Variants in CTNNA3 observed in about 807,000 individuals in gnomAD.
CTNNA3 encodes catenin alpha-3.
CTNNA3 carries 76 observed loss-of-function variants against 95.7 expected under a neutral mutation model. That is an observed-to-expected ratio of 0.79 (90% CI 0.66 to 0.96). The LOEUF is 0.96. Among genes scored for constraint, CTNNA3 ranks in the 40% least tolerant of loss-of-function variants. The pLI, the probability that CTNNA3 is intolerant of heterozygous loss-of-function variation, is 0.00. For synonymous variants in CTNNA3, 431 were observed against 374.4 expected (o/e 1.15, Z -1.74); for missense variants, 1,191 against 1,089.8 (o/e 1.09, Z -1.31).
intron 7 of CTNNA3, among the ~76,000 whole-genome samples, chr10:66,943,189 A>T (rs1185263294): frequency 6.6e-6 from 1 of 152,240 alleles, no homozygotes; most frequent in Non-Finnish European, 1.5e-5. Context: ...CTTTGAAAAG[A>T]GCAGAGACGA....
At chr10:66,635,818 C>T (rs1845313143) in intron 9 of CTNNA3, among the ~76,000 whole-genome samples, 1 of 152,092 alleles carries the variant, frequency 6.6e-6, no homozygotes, top group Admixed American at 6.5e-5. Context: ...TCTTCGAAGA[C>T]ATCATAACAA....
At chr10:67,539,308 T>C (rs1840585983) in intron 4 of CTNNA3, among the ~76,000 whole-genome samples, 195 bp downstream of exon 4, 2 of 152,200 alleles carry the variant, frequency 1.3e-5, no homozygotes, top group Admixed American at 6.5e-5. Flanking sequence ...TAATTTCCCA[T>C]TGGCTTTAGA....
At chr10:67,754,170 T>C (rs1292224441) in intron 1 of CTNNA3, among the ~76,000 whole-genome samples, 1 of 152,016 alleles carries the variant, frequency 6.6e-6, no homozygotes, top group African/African-American at 2.4e-5. Flanking sequence ...TGCAGGGAGA[T>C]GGATGGAGCT....
chr10:67,002,075 C>T (rs575878030), intron 7 of CTNNA3, among the ~76,000 whole-genome samples: 2 of 152,234 alleles, frequency 1.3e-5, no homozygotes, highest in East Asian at 3.9e-4. Flanking sequence ...CTTTTAGGAG[C>T]TCAGTTTCTT....
chr10:66,766,558 G>C (rs534681251), intron 8 of CTNNA3, 142 bp from the exon 9 acceptor site: 2 of 652,172 alleles, frequency 3.1e-6, no homozygotes, highest in South Asian at 6.9e-5. Context: ...AGATATACAA[G>C]AATGTCCCTT....
chr10:67,263,248 GT>G (rs1043721289), intron 5 of CTNNA3, among the ~76,000 whole-genome samples: 2 of 152,144 alleles, frequency 1.3e-5, no homozygotes, highest in Non-Finnish European at 2.9e-5. Context: ...CAACACTCCA[GT>G]TTATAACCTG....
rs924798643 is a variant in CTNNA3 at position 66,836,031 on chromosome 10, T to C, written c.1048-60507A>G. Among the ~76,000 whole-genome samples the C allele has an allele frequency of 5.3e-5, 8 of 152,080 alleles. 1 individual carries two copies. The highest frequency in any genetic ancestry group is 5.2e-4 in the Admixed American group (8 of 15,266). Reference sequence around the variant, plus strand: ...ATTAATTTTTTAGGTACTGGACCACTGGTGTGCTGGTGAATGTTTAATAAC... The same window carrying C: ...ATTAATTTTTTAGGTACTGGACCACCGGTGTGCTGGTGAATGTTTAATAAC... On this transcript the variant is annotated intron_variant, in intron 7 of 17. Coordinates refer to ENST00000433211, the MANE Select transcript of CTNNA3 (RefSeq NM_013266.4).
chr10:66,091,392 C>T (rs1191475605), intron 14 of CTNNA3, among the ~76,000 whole-genome samples: 1 of 151,816 alleles, frequency 6.6e-6, no homozygotes, highest in African/African-American at 2.4e-5. Flanking sequence ...GAAACAACCC[C>T]ACCACCCCCA....
chr10:67,167,931 C>T (rs1163396008), intron 7 of CTNNA3, among the ~76,000 whole-genome samples: 2 of 152,046 alleles, frequency 1.3e-5, no homozygotes, highest in East Asian at 3.9e-4. Context: ...TCAGGAGTTC[C>T]AGACCACCCT....
chr10:66,777,801 A>ACACACACATG (rs1840373182), intron 7 of CTNNA3, among the ~76,000 whole-genome samples: 1 of 142,024 alleles, frequency 7.0e-6, no homozygotes, highest in African/African-American at 2.7e-5. Context: ...ACACACATGC[A>ACACACACATG]CACACACACA....
intron 7 of CTNNA3, among the ~76,000 whole-genome samples, chr10:66,860,812 T>G (rs575547947): frequency 4.6e-5 from 7 of 152,294 alleles, no homozygotes; most frequent in African/African-American, 1.7e-4. Context: ...CCAATAAATT[T>G]TTTGTAAATA....
At chr10:66,104,921 T>C (rs2081825569) in intron 13 of CTNNA3, among the ~76,000 whole-genome samples, 1 of 152,216 alleles carries the variant, frequency 6.6e-6, no homozygotes, top group African/African-American at 2.4e-5. Context: ...ATTTGATGAT[T>C]AGCTCATATT....
chr10:67,703,722 G>A (rs1189513241), intron 1 of CTNNA3, among the ~76,000 whole-genome samples: 3 of 152,182 alleles, frequency 2.0e-5, no homozygotes, highest in African/African-American at 2.4e-5. Flanking sequence ...GCACAAGACA[G>A]GGATGCCCTC....
chr10:67,439,889 G>A lies in CTNNA3; in HGVS notation c.579+81953C>T, dbSNP rs191339875. Reference sequence around the variant, plus strand: ...ACTCTGAGACATGCTGGCTTTAGGGGAGATGCAGAATATTCCCAGCTGTGG... The same window carrying A: ...ACTCTGAGACATGCTGGCTTTAGGGAAGATGCAGAATATTCCCAGCTGTGG... On this transcript the variant is annotated intron_variant, in intron 5 of 17. Coordinates refer to ENST00000433211, the MANE Select transcript of CTNNA3 (RefSeq NM_013266.4). 7.1e-4 allele frequency among the ~76,000 whole-genome samples: 108 copies of A among 152,310 alleles called. 1 individual carries two copies. The highest frequency in any genetic ancestry group is 1.2e-3 in the East Asian group (6 of 5,166).
intron 12 of CTNNA3, among the ~76,000 whole-genome samples, chr10:66,358,332 T>C (rs957103481): frequency 1.3e-5 from 2 of 151,246 alleles, no homozygotes. Flanking sequence ...TGCAGAAGAG[T>C]CTAAGCCAGG....
intron 7 of CTNNA3, among the ~76,000 whole-genome samples, chr10:67,031,071 C>T (rs1259947607): frequency 6.6e-6 from 1 of 152,046 alleles, no homozygotes; most frequent in Non-Finnish European, 1.5e-5. Flanking sequence ...CACATTTTAC[C>T]CCGTCATACT....
Position 67,754,800 on chromosome 10 carries a change from T to C in CTNNA3, c.-2+8634A>G, listed in dbSNP as rs545633262. Among the ~76,000 whole-genome samples the C allele has an allele frequency of 3.3e-5, 5 of 152,236 alleles. No homozygotes were observed. The South Asian group carries it at 1.0e-3, about 32-fold the overall frequency. Reference sequence around the variant, plus strand: ...GCAAACTACGTATCTGACAAAGGATTAATAACCAGAGTATATAAGGAGCTC... The same window carrying C: ...GCAAACTACGTATCTGACAAAGGATCAATAACCAGAGTATATAAGGAGCTC... On this transcript the variant is annotated intron_variant, in intron 1 of 17. Coordinates refer to the CTNNA3 transcript ENST00000684154.
At chr10:67,703,503 A>T (rs1213566186) in intron 1 of CTNNA3, among the ~76,000 whole-genome samples, 1 of 152,236 alleles carries the variant, frequency 6.6e-6, no homozygotes, top group African/African-American at 2.4e-5. Flanking sequence ...TCCAGCATAT[A>T]AACAGAACCA....
intron 9 of CTNNA3, among the ~76,000 whole-genome samples, chr10:66,644,132 C>A: frequency 6.6e-6 from 1 of 151,804 alleles, no homozygotes; most frequent in East Asian, 1.9e-4. Context: ...GTGGCACATG[C>A]CTGTAGTCCT....
Sources: allele counts gnomAD v4.1 joint callset (sites outside exome capture counted in the v4.1 genomes callset), GRCh38; gene constraint gnomAD v4.1.1; transcripts MANE v1.5; gene names NCBI Gene and HGNC (gene_info 2026-07-23, HGNC 2026-07-21).